The following AGBL4 variants were observed in gnomAD, a reference collection of about 807,000 sequenced individuals.
AGBL4 encodes AGBL carboxypeptidase 4, also known as cytosolic carboxypeptidase 6.
AGBL4 carries 58 observed loss-of-function variants against 66.4 expected under a neutral mutation model. The observed-to-expected ratio is 0.87, with a 90% confidence interval of 0.71 to 1.09. The LOEUF is 1.09. Among genes scored for constraint, AGBL4 ranks in the 50% least tolerant of loss-of-function variants. The pLI is 0.00. For synonymous variants in AGBL4, 234 were observed against 222.9 expected, an observed-to-expected ratio of 1.05 and a Z score of -0.44; for missense variants, 579 against 631.0, an observed-to-expected ratio of 0.92 and a Z score of 0.88.
At chr1:49,513,872 G>T (rs1184890537) in intron 3 of AGBL4, among the ~76,000 whole-genome samples, 7 of 151,992 alleles carry the variant, frequency 4.6e-5, no homozygotes, top group South Asian at 2.1e-4. Context: ...AGACACTGTG[G>T]TGGGCATAAG....
At chr1:49,743,486 T>A (rs1176516872) in intron 2 of AGBL4, among the ~76,000 whole-genome samples, 1 of 152,124 alleles carries the variant, frequency 6.6e-6, no homozygotes, top group Non-Finnish European at 1.5e-5. Context: ...ATTGTGGAAG[T>A]TAGTGTGGCG....
rs80108870 is a variant in AGBL4 at position 48,858,512 on chromosome 1, C to G, written c.634+8679G>C. Among the ~76,000 whole-genome samples the G allele has an allele frequency of 8.0e-4, 122 of 152,260 alleles. 5 individuals are homozygous for G. The East Asian group carries it at 0.02, about 25-fold the overall frequency. ...TGGCAAGAAAAAGGAATGAAGTATG[C>G]TGATACATGCTACAACATGGGTGAA... On this transcript the variant is annotated intron_variant, in intron 6 of 13. Transcript: ENST00000371839.
chr1:48,668,493 G>A (rs1200391299), intron 6 of AGBL4, among the ~76,000 whole-genome samples: 3 of 152,018 alleles, frequency 2.0e-5, no homozygotes, highest in Admixed American at 6.6e-5. Flanking sequence ...CCTTCCACAG[G>A]CCCCAGCCCC....
chr1:49,423,720 G>A (rs1024288753), intron 3 of AGBL4, among the ~76,000 whole-genome samples: 6 of 150,856 alleles, frequency 4.0e-5, no homozygotes, highest in South Asian at 2.1e-4. Context: ...GCTGAGGCAG[G>A]AGAATCACCT....
chr1:49,233,949 G>A (rs550121888), intron 4 of AGBL4, among the ~76,000 whole-genome samples: 1 of 152,166 alleles, frequency 6.6e-6, no homozygotes. Flanking sequence ...GCCACTTTCA[G>A]TACTACTAAT....
At chr1:49,854,832 T>A (rs1344490715) in intron 1 of AGBL4, among the ~76,000 whole-genome samples, 1 of 152,132 alleles carries the variant, frequency 6.6e-6, no homozygotes, top group Non-Finnish European at 1.5e-5. Context: ...TCCCAGAGCC[T>A]GAAAACCATC....
chr1:49,469,371 A>C (rs1646695445), intron 3 of AGBL4, among the ~76,000 whole-genome samples: 1 of 151,816 alleles, frequency 6.6e-6, no homozygotes, highest in Admixed American at 6.6e-5. Flanking sequence ...TTAGGATTGT[A>C]TCTTTCAGGA....
intron 1 of AGBL4, among the ~76,000 whole-genome samples, chr1:49,972,337 C>T (rs971272585): frequency 6.6e-6 from 1 of 152,068 alleles, no homozygotes; most frequent in African/African-American, 2.4e-5. Context: ...TTCCACTTTT[C>T]ATAGTCTCCA....
chr1:48,620,496 C>T (rs770716926), intron 9 of AGBL4, among the ~76,000 whole-genome samples: 5 of 152,102 alleles, frequency 3.3e-5, no homozygotes, highest in South Asian at 2.1e-4. Context: ...CTCCTGGCCT[C>T]AAGCAATCCT....
At chr1:49,255,906 A>G (rs184845859) in intron 3 of AGBL4, among the ~76,000 whole-genome samples, 33 of 152,342 alleles carry the variant, frequency 2.2e-4, no homozygotes, top group South Asian at 6.2e-4. Context: ...AAACTAAAGT[A>G]GGAACAGAAA....
intron 6 of AGBL4, among the ~76,000 whole-genome samples, chr1:48,861,894 A>G (rs1647504947): frequency 6.6e-6 from 1 of 152,114 alleles, no homozygotes; most frequent in South Asian, 2.1e-4. Flanking sequence ...CCATTTTCCT[A>G]AGAGATAGTT....
intron 2 of AGBL4, among the ~76,000 whole-genome samples, chr1:49,768,917 TG>T (rs1012253465): frequency 2.0e-5 from 3 of 152,026 alleles, no homozygotes; most frequent in African/African-American, 7.2e-5. Context: ...GGCGCGATCT[TG>T]GCTCACTGCA....
intron 6 of AGBL4, among the ~76,000 whole-genome samples, chr1:48,714,020 T>C (rs1446065482): frequency 6.6e-6 from 1 of 152,184 alleles, no homozygotes; most frequent in Non-Finnish European, 1.5e-5. Flanking sequence ...TTATTCTGAA[T>C]TTAAATCTTG....
At chr1:48,794,561 T>A (rs773717068) in intron 6 of AGBL4, among the ~76,000 whole-genome samples, 3 of 152,216 alleles carry the variant, frequency 2.0e-5, no homozygotes, top group Non-Finnish European at 4.4e-5. Context: ...AAGTCACCAA[T>A]GACTAACTGA....
At chr1:48,919,401 T>G (rs1028972039) in intron 5 of AGBL4, among the ~76,000 whole-genome samples, 5 of 152,234 alleles carry the variant, frequency 3.3e-5, no homozygotes. Flanking sequence ...CATAGTCCAG[T>G]GCTCTTTCTC....
At chr1:48,758,906 C>T (rs375012612) in intron 6 of AGBL4, 4 of 1,517,956 alleles carry the variant, frequency 2.6e-6, no homozygotes, top group Non-Finnish European at 3.5e-6. Context: ...TCACCGCTGC[C>T]AAGCCGCAGG....
At chr1:49,916,580 T>G (rs1004567351) in intron 1 of AGBL4, among the ~76,000 whole-genome samples, 4 of 152,190 alleles carry the variant, frequency 2.6e-5, no homozygotes, top group African/African-American at 9.7e-5. Context: ...AATATGTGAC[T>G]TTGTGAAAAC....
intron 2 of AGBL4, among the ~76,000 whole-genome samples, chr1:49,749,125 G>T (rs1044551960): frequency 2.6e-5 from 4 of 152,098 alleles, no homozygotes; most frequent in Non-Finnish European, 5.9e-5. Context: ...TTCTTCTAGG[G>T]TTTTTATGGT....
intron 11 of AGBL4, among the ~76,000 whole-genome samples, chr1:48,540,389 T>C (rs1426501601): frequency 6.6e-6 from 1 of 152,188 alleles, no homozygotes; most frequent in African/African-American, 2.4e-5. Context: ...ACAATCATTA[T>C]TCAACAACAG....
Sources: gnomAD v4.1 joint callset for allele counts (sites outside exome capture counted in the v4.1 genomes callset) on GRCh38, gnomAD v4.1.1 for gene constraint, MANE v1.5 for transcripts, NCBI Gene and HGNC (gene_info 2026-07-23, HGNC 2026-07-21) for gene names.